Variants in LRRC9 observed in about 807,000 individuals in gnomAD.
LRRC9 encodes the protein leucine-rich repeat-containing protein 9.
Under a neutral mutation model 63.2 loss-of-function variants are expected in LRRC9, and 122 were observed. The ratio of observed to expected loss-of-function variants is 1.93; its 90% CI spans 1.67 to 2.24. The LOEUF is 2.24. Ranked by LOEUF, LRRC9 falls within the 30% of genes most tolerant of loss-of-function variation. LRRC9 has a pLI of 0.00. For missense variants in LRRC9, 1,071 were observed against 627.7 expected, an observed-to-expected ratio of 1.71 and a Z score of -7.55; for synonymous variants, 366 against 213.1, an observed-to-expected ratio of 1.72 and a Z score of -6.25.
Position 59,986,443 on chromosome 14 carries a change from G to T in LRRC9, c.2211+1219G>T. Among the ~76,000 whole-genome samples, 1 of 152,238 alleles carries T rather than the reference G, an allele frequency of 6.6e-6. No homozygotes were observed. The highest frequency in any genetic ancestry group is 2.1e-4 in the South Asian group (1 of 4,820). On this transcript the variant is annotated intron_variant, in intron 17 of 31. Coordinates refer to ENST00000445360, the Ensembl canonical transcript of LRRC9. This position sits in a 1 kb window ranked among gnomAD's most constrained non-coding sequence, Gnocchi z 4.7. The stretch of plus-strand genomic sequence containing the variant: ...CTTTTACTTATTGGCATTAGGTTTA[G>T]ATTTAGTGTTAAACTCACTTCCTTT...
At position 59,923,980 on chromosome 14, in the gene LRRC9, C is replaced by T. The variant is rs1888996594; in HGVS notation, c.-33-3931C>T. Among the ~76,000 whole-genome samples the T allele has an allele frequency of 6.6e-6, 1 of 152,132 alleles. No homozygotes were observed. The highest frequency in any genetic ancestry group is 6.5e-5 in the Admixed American group (1 of 15,280). On this transcript the variant is annotated intron_variant, in intron 1 of 31. Transcript: ENST00000445360. This position sits in a 1 kb window ranked among gnomAD's most constrained non-coding sequence, Gnocchi z 4.2. ...ATAACAACAACAAAAAACAGATACTCGTGCAGGAATAGTCAGAGCTAATGA... is the reference window on the plus strand; with the variant it reads ...ATAACAACAACAAAAAACAGATACTTGTGCAGGAATAGTCAGAGCTAATGA...
Position 59,966,669 on chromosome 14 carries a change from T to G in LRRC9, c.1292T>G (p.Val431Gly). The change falls in exon 11 of 32, where the codon GTA (valine) becomes GGA (glycine). Residue 431 changes from valine to glycine, a missense_variant. Transcript: ENST00000445360. This position sits in a 1 kb window ranked among gnomAD's most constrained non-coding sequence, Gnocchi z 4.0. ...ACATACGGTATTACAGGAGTAAAAG[T>G]AAAACGCATCATTAAAGTTAACAAC... is the stretch of plus-strand genomic sequence containing the variant. 1 of 698,312 alleles carries G rather than the reference T, an allele frequency of 1.4e-6. No homozygotes were observed. Among genetic ancestry groups the G allele is most frequent in the East Asian group, 2.7e-5 (1 of 37,206 alleles). 43.3% of individuals were successfully genotyped at this position (698,312 alleles called of 1,614,324 possible).
At position 60,031,261 on chromosome 14, in the gene LRRC9, A is replaced by G. The variant is rs1891970014; in HGVS notation, c.3922-734A>G. ...CACATGATCTAAAATAGGTCTAAAT[A>G]TTTTTACAGTTACTAGAAGAATTTG... On this transcript the variant is annotated intron_variant, in intron 28 of 31. Coordinates refer to ENST00000445360, the Ensembl canonical transcript of LRRC9. The surrounding 1 kb of genome is among the most constrained non-coding windows in gnomAD (Gnocchi z 4.6). 6.6e-6 allele frequency among the ~76,000 whole-genome samples: 1 copy of G among 152,054 alleles called. No individual in the cohort carries two copies. The highest frequency in any genetic ancestry group is 2.4e-5 in the African/African-American group (1 of 41,438).
At chr14:59,992,176 T>C (rs1888214776) in intron 17 of LRRC9, among the ~76,000 whole-genome samples, 1 of 152,156 alleles carries the variant, frequency 6.6e-6, no homozygotes, top group Admixed American at 6.5e-5. Flanking sequence ...TTATGCAGCC[T>C]CCACTGCTGA....
chr14:59,983,656 A>G (rs532506276), intron 16 of LRRC9, among the ~76,000 whole-genome samples: 15 of 152,188 alleles, frequency 9.9e-5, no homozygotes, highest in African/African-American at 1.9e-4. Flanking sequence ...TAGTATGCCT[A>G]GAATATAGTG....
rs1884871308 is a variant in LRRC9 at position 59,966,495 on chromosome 14, G to A, written c.1212-94G>A. ...CTTTAGCAAAAGACACAAAATATGA[G>A]CTATAACTTTTATCACGTAGTTTTC... On this transcript the variant is annotated intron_variant, in intron 10 of 31. Transcript: ENST00000445360. The surrounding 1 kb of genome is among the most constrained non-coding windows in gnomAD (Gnocchi z 4.0). 2.1e-6 allele frequency: 1 copy of A among 471,630 alleles called. No homozygotes were observed. Among genetic ancestry groups the A allele is most frequent in the African/African-American group, 1.9e-5 (1 of 51,608 alleles). 29.2% of individuals were successfully genotyped at this position (471,630 alleles called of 1,614,324 possible).
Position 60,001,444 on chromosome 14 carries a change from T to A in LRRC9, c.2530-522T>A, listed in dbSNP as rs80008640. On this transcript the variant is annotated intron_variant, in intron 19 of 31. Transcript: ENST00000445360. Reference sequence around the variant, plus strand: ...GAAGCTTAGATGAATCTGATGAATATGATATTGAACAAAAAAGGCAAGTCA... The same window carrying A: ...GAAGCTTAGATGAATCTGATGAATAAGATATTGAACAAAAAAGGCAAGTCA... Among the ~76,000 whole-genome samples, 517 of 152,222 alleles carry A rather than the reference T, an allele frequency of 3.4e-3. 18 individuals are homozygous for A. The East Asian group carries it at 0.058, about 17-fold the overall frequency.
chr14:59,991,684 C>T (rs1040351991), intron 17 of LRRC9, among the ~76,000 whole-genome samples: 4 of 152,160 alleles, frequency 2.6e-5, no homozygotes, highest in South Asian at 2.1e-4. Context: ...GCGCATAGCT[C>T]GGAGGGTCCT....
Position 60,053,924 on chromosome 14 carries a change from G to A in LRRC9, c.4131+719G>A. The A allele has an allele frequency of 2.2e-6, 1 of 455,644 alleles. No homozygotes were observed. The highest frequency in any genetic ancestry group is 4.4e-6 in the Non-Finnish European group (1 of 226,654). The allele number at this position is 455,644 out of a possible 1,614,324, so 28.2% of individuals were successfully genotyped here. ...TGGTTTGAGAAAAAAAGAGGCTGGAGGGAGAAGGGAAACCAGCTCAGAGGC... is the reference window on the plus strand; with the variant it reads ...TGGTTTGAGAAAAAAAGAGGCTGGAAGGAGAAGGGAAACCAGCTCAGAGGC... On this transcript the variant is annotated intron_variant, in intron 30 of 31. Transcript: ENST00000445360. The surrounding 1 kb of genome is among the most constrained non-coding windows in gnomAD (Gnocchi z 4.8).
chr14:60,015,379 T>C (rs767824073), intron 23 of LRRC9, among the ~76,000 whole-genome samples: 11 of 152,182 alleles, frequency 7.2e-5, no homozygotes, highest in Non-Finnish European at 1.5e-4. Flanking sequence ...ATTTGGGGTA[T>C]TATGTGGGTC....
At chr14:60,038,040 T>A (rs1040131947) in intron 29 of LRRC9, among the ~76,000 whole-genome samples, 1 of 152,174 alleles carries the variant, frequency 6.6e-6, no homozygotes, top group Non-Finnish European at 1.5e-5. Flanking sequence ...CCCCATTGCT[T>A]GTTTTTGTCT....
At chr14:59,949,674 T>A (rs1370966352) in intron 8 of LRRC9, among the ~76,000 whole-genome samples, 2 of 151,304 alleles carry the variant, frequency 1.3e-5, no homozygotes, top group Non-Finnish European at 3.0e-5. Context: ...TTTGAATGCG[T>A]CCCAGAGATT....
At chr14:60,007,801 G>A (rs566896870) in intron 22 of LRRC9, among the ~76,000 whole-genome samples, 6 of 152,062 alleles carry the variant, frequency 3.9e-5, no homozygotes, top group Middle Eastern at 3.4e-3. Context: ...GAGGCTGGGC[G>A]TGGTGGCTTA....
chr14:59,937,747 T>C (rs1348225147), intron 6 of LRRC9, among the ~76,000 whole-genome samples: 1 of 152,078 alleles, frequency 6.6e-6, no homozygotes, highest in Admixed American at 6.6e-5. Flanking sequence ...GGATAAAATA[T>C]GTTAAGGAGA....
chr14:59,971,092 G>C (rs189463469), intron 12 of LRRC9, among the ~76,000 whole-genome samples: 82 of 152,146 alleles, frequency 5.4e-4, no homozygotes, highest in African/African-American at 1.8e-3. Context: ...TCCAACTTGA[G>C]TTGATTTTTC....
intron 28 of LRRC9, among the ~76,000 whole-genome samples, chr14:60,030,648 A>G (rs1215166785): frequency 1.3e-5 from 2 of 152,076 alleles, no homozygotes; most frequent in African/African-American, 2.4e-5. Flanking sequence ...AACCATTGGT[A>G]TCCTGGTTAA....
At chr14:60,001,402 A>C (rs1001104656) in intron 19 of LRRC9, among the ~76,000 whole-genome samples, 2 of 152,184 alleles carry the variant, frequency 1.3e-5, no homozygotes, top group African/African-American at 4.8e-5. Context: ...CATATGAATG[A>C]ACTACAGCTA....
chr14:60,019,109 T>G lies in LRRC9; in HGVS notation c.3427-12T>G. 3 of 658,524 alleles carry G rather than the reference T, an allele frequency of 4.6e-6. No homozygotes were observed. Among genetic ancestry groups the G allele is most frequent in the Non-Finnish European group, 8.2e-6 (3 of 367,438 alleles). The allele number at this position is 658,524 out of a possible 1,614,324, so 40.8% of individuals were successfully genotyped here. A position where few individuals can be genotyped will look rare whatever the true frequency, so the allele number is the denominator to read the frequency against. ...TCTAGGATTTCTGATTAATAAGATATTCTTTCTGTAGGTCTTATGCCTTAA... is the reference window on the plus strand; with the variant it reads ...TCTAGGATTTCTGATTAATAAGATAGTCTTTCTGTAGGTCTTATGCCTTAA... On this transcript the variant is annotated splice_polypyrimidine_tract_variant and intron_variant, in intron 25 of 31. Transcript: ENST00000445360.
chr14:60,057,367 AATTG>A (rs1198767214), intron 30 of LRRC9, among the ~76,000 whole-genome samples: 1 of 152,126 alleles, frequency 6.6e-6, no homozygotes, highest in African/African-American at 2.4e-5. Context: ...CATTCACTAA[AATTG>A]ATTATTATAA....
Sources: allele counts gnomAD v4.1 joint callset (sites outside exome capture counted in the v4.1 genomes callset), GRCh38; gene constraint gnomAD v4.1.1; non-coding constraint Gnocchi (gnomAD v3.1); transcripts MANE v1.5; gene names NCBI Gene and HGNC (gene_info 2026-07-23, HGNC 2026-07-21).